Variants in SUGCT observed in about 807,000 individuals in gnomAD.
The protein encoded by SUGCT is succinyl-CoA:glutarate CoA-transferase.
SUGCT carries 41 observed loss-of-function variants against 55.0 expected under a neutral mutation model. That is an observed-to-expected ratio of 0.74 (90% CI 0.58 to 0.97). SUGCT has a LOEUF of 0.97. Ranked by LOEUF, SUGCT falls within the 50% of genes least tolerant of loss-of-function variation. The pLI is 0.00. For missense variants in SUGCT, 568 were observed against 547.8 expected (o/e 1.04, Z -0.37); for synonymous variants, 187 against 200.4 (o/e 0.93, Z 0.56).
the SUGCT span, among the ~76,000 whole-genome samples, chr7:40,935,108 A>C: frequency 6.6e-6 from 1 of 152,242 alleles, no homozygotes; most frequent in South Asian, 2.1e-4. Flanking sequence ...AGTGAATAGA[A>C]GATAATATAG....
At chr7:40,325,970 T>G (rs1271624898) in intron 9 of SUGCT, among the ~76,000 whole-genome samples, 1 of 137,140 alleles carries the variant, frequency 7.3e-6, no homozygotes. Flanking sequence ...TTAACAAATG[T>G]CAAGTTTATT....
chr7:40,216,012 C>A (rs1339485789), intron 6 of SUGCT, among the ~76,000 whole-genome samples: 1 of 151,700 alleles, frequency 6.6e-6, no homozygotes, highest in Non-Finnish European at 1.5e-5. Flanking sequence ...GCAGCCCAGA[C>A]CTTTTAGTAA....
At chr7:40,456,997 A>G (rs915741319) in intron 10 of SUGCT, among the ~76,000 whole-genome samples, 2 of 151,916 alleles carry the variant, frequency 1.3e-5, no homozygotes, top group Admixed American at 6.6e-5. Flanking sequence ...TTTTATTATC[A>G]TGGGTCTTCA....
intron 12 of SUGCT, among the ~76,000 whole-genome samples, chr7:40,582,404 T>C (rs1277252018): frequency 6.6e-6 from 1 of 152,166 alleles, no homozygotes; most frequent in African/African-American, 2.4e-5. Context: ...CAGGCAGAAC[T>C]GAAATGAGTC....
At chr7:40,451,547 G>A (rs948930362) in intron 10 of SUGCT, among the ~76,000 whole-genome samples, 2 of 152,168 alleles carry the variant, frequency 1.3e-5, no homozygotes, top group Non-Finnish European at 2.9e-5. Flanking sequence ...TTTCTCATAT[G>A]AGAGTTAGGA....
At chr7:41,017,122 C>G in the SUGCT span, among the ~76,000 whole-genome samples, 4 of 152,200 alleles carry the variant, frequency 2.6e-5, no homozygotes, top group Non-Finnish European at 4.4e-5. Flanking sequence ...AAGCAGAAAT[C>G]ATGTTCTTCA....
At chr7:40,594,466 G>A (rs1329451729) in intron 12 of SUGCT, among the ~76,000 whole-genome samples, 3 of 151,800 alleles carry the variant, frequency 2.0e-5, no homozygotes, top group Non-Finnish European at 4.4e-5. Context: ...ACCTCCACTT[G>A]CCAAGTTGCT....
chr7:40,300,365 A>C (rs749184385), intron 8 of SUGCT, among the ~76,000 whole-genome samples: 1 of 152,240 alleles, frequency 6.6e-6, no homozygotes, highest in Middle Eastern at 3.4e-3. Flanking sequence ...ACTGCTGAGG[A>C]TGTAAAAAAG....
At chr7:40,939,057 C>T in the SUGCT span, among the ~76,000 whole-genome samples, 1 of 152,076 alleles carries the variant, frequency 6.6e-6, no homozygotes, top group Non-Finnish European at 1.5e-5. Context: ...TTCCATGCTG[C>T]TGATAAAGAC....
At chr7:40,527,167 C>G (rs929744792) in intron 12 of SUGCT, among the ~76,000 whole-genome samples, 1 of 152,142 alleles carries the variant, frequency 6.6e-6, no homozygotes, top group African/African-American at 2.4e-5. Context: ...TATTCTTTTC[C>G]ATGATGCCAA....
At chr7:40,954,335 C>T in the SUGCT span, among the ~76,000 whole-genome samples, 2 of 152,168 alleles carry the variant, frequency 1.3e-5, no homozygotes. Context: ...ACCCAATTTT[C>T]CAGGTGCCAT....
chr7:40,973,792 A>G, the SUGCT span, among the ~76,000 whole-genome samples: 2 of 152,262 alleles, frequency 1.3e-5, no homozygotes, highest in African/African-American at 4.8e-5. Context: ...ATCATTTCTA[A>G]TAGCCCTTGT....
At chr7:40,586,669 CACTT>C (rs1435632581) in intron 12 of SUGCT, among the ~76,000 whole-genome samples, 1 of 152,186 alleles carries the variant, frequency 6.6e-6, no homozygotes, top group African/African-American at 2.4e-5. Context: ...TAACAGCAGA[CACTT>C]ACCAATTTAC....
At chr7:40,188,632 C>G in intron 4 of SUGCT, 52 bp downstream of exon 4, 1 of 1,167,872 alleles carries the variant, frequency 8.6e-7, no homozygotes, top group South Asian at 1.4e-5. Flanking sequence ...CTTATAATAG[C>G]AAAACTGTTG....
At chr7:40,261,379 T>C (rs1357527695) in intron 7 of SUGCT, among the ~76,000 whole-genome samples, 2 of 152,190 alleles carry the variant, frequency 1.3e-5, no homozygotes, top group African/African-American at 4.8e-5. Flanking sequence ...TAGAAAGATC[T>C]TGGGCCTTCA....
At chr7:40,754,062 T>C (rs1788142119) in intron 13 of SUGCT, among the ~76,000 whole-genome samples, 2 of 152,352 alleles carry the variant, frequency 1.3e-5, no homozygotes, top group South Asian at 4.1e-4. Flanking sequence ...GGTTAAAACA[T>C]GCAAACTAGT....
chr7:40,291,035 G>T (rs1488578049), intron 8 of SUGCT, among the ~76,000 whole-genome samples: 1 of 152,070 alleles, frequency 6.6e-6, no homozygotes, highest in Admixed American at 6.5e-5. Flanking sequence ...GGAGAAATAG[G>T]AACACTTTTA....
chr7:40,450,403 G>C (rs960090149), intron 10 of SUGCT, among the ~76,000 whole-genome samples: 1 of 150,302 alleles, frequency 6.7e-6, no homozygotes, highest in Non-Finnish European at 1.5e-5. Flanking sequence ...ACCTGTTAAG[G>C]ATTTTTTTCT....
In SUGCT at chr7:40,230,755, T is replaced by G. The variant is rs768471504; in HGVS notation, c.485-6880T>G. Among the ~76,000 whole-genome samples the G allele has an allele frequency of 3.3e-5, 5 of 152,316 alleles. No homozygotes were observed. In the East Asian group the frequency reaches 9.7e-4, roughly 29 times the overall value. On this transcript the variant is annotated intron_variant, in intron 6 of 13. Coordinates refer to ENST00000335693, the MANE Select transcript of SUGCT (RefSeq NM_001193313.2). ...TTAGGGGTTGTCAGCTTGCATTCCC[T>G]TGGACTTTCTGGTGGAGATGTCCAT...
Sources: allele counts gnomAD v4.1 joint callset (sites outside exome capture counted in the v4.1 genomes callset), GRCh38; gene constraint gnomAD v4.1.1; transcripts MANE v1.5; gene names NCBI Gene and HGNC (gene_info 2026-07-23, HGNC 2026-07-21).